SRRM4: variants seen among roughly 807,000 people sequenced by gnomAD.
SRRM4 encodes the protein serine/arginine repetitive matrix protein 4.
In SRRM4, 33 loss-of-function variants were observed where a neutral mutation model predicts 68.9. That is an observed-to-expected ratio of 0.48 (90% CI 0.36 to 0.64). The LOEUF is 0.64. Among genes scored for constraint, SRRM4 ranks in the 30% least tolerant of loss-of-function variants. The pLI, the probability that SRRM4 is intolerant of heterozygous loss-of-function variation, is 0.00. For missense variants in SRRM4, 817 were observed against 827.1 expected (o/e 0.99, Z 0.15); for synonymous variants, 318 against 318.8 (o/e 1.00, Z 0.03).
At chr12:119,065,263 T>C (rs1252625855) in intron 1 of SRRM4, among the ~76,000 whole-genome samples, 1 of 152,186 alleles carries the variant, frequency 6.6e-6, no homozygotes, top group Non-Finnish European at 1.5e-5. Context: ...GGGAACACAC[T>C]GTTCTGAGTT....
In SRRM4 at chr12:119,099,960, C is replaced by T. The variant is rs913922072; in HGVS notation, c.132-2276C>T. Among the ~76,000 whole-genome samples, 6 of 152,168 alleles carry T rather than the reference C, an allele frequency of 3.9e-5. 1 individual carries two copies. Among genetic ancestry groups the T allele is most frequent in the Non-Finnish European group, 5.9e-5 (4 of 68,040 alleles). On this transcript the variant is annotated intron_variant, in intron 1 of 12. Transcript: ENST00000267260. ...TTCATTGAATGTGAGTCACTAAGCC[C>T]ATCCGATATTCAAAGGGAGATAAAT... is the stretch of plus-strand genomic sequence containing the variant.
Position 119,156,692 on chromosome 12 carries a change from C to T in SRRM4, c.1730C>T (p.Pro577Leu), listed in dbSNP as rs901555516. 1.9e-6 allele frequency: 3 copies of T among 1,550,180 alleles called. No homozygotes were observed. Among genetic ancestry groups the T allele is most frequent in the Non-Finnish European group, 1.7e-6 (2 of 1,147,850 alleles). Residue 577 changes from proline (P) to leucine (L), a missense_variant, in exon 13 of 13, where the codon CCG becomes CTG. Physicochemically the swap from Pro to Leu is moderately conservative, Grantham distance 98. Coordinates refer to ENST00000267260, the MANE Select transcript of SRRM4 (RefSeq NM_194286.4). ...SSSSSSRSPS[P>L]GSRSRSRSRS... Reference sequence around the variant, plus strand: ...AGCTCTAGCTCCCGCAGCCCTAGTCCGGGCTCCCGCAGCCGGAGCCGGAGC... The same window carrying T: ...AGCTCTAGCTCCCGCAGCCCTAGTCTGGGCTCCCGCAGCCGGAGCCGGAGC...
At chr12:119,122,431 T>C (rs968541415) in intron 6 of SRRM4, among the ~76,000 whole-genome samples, 1 of 152,192 alleles carries the variant, frequency 6.6e-6, no homozygotes, top group African/African-American at 2.4e-5. Flanking sequence ...TGTGTATGTG[T>C]ATGCACGCTT....
intron 1 of SRRM4, among the ~76,000 whole-genome samples, chr12:119,007,931 G>A (rs753597176): frequency 6.6e-6 from 1 of 152,102 alleles, no homozygotes; most frequent in Non-Finnish European, 1.5e-5. Flanking sequence ...TCTCCAGTGG[G>A]GAGGCCTCTC....
At chr12:119,118,418 G>A (rs190276950) in intron 4 of SRRM4, among the ~76,000 whole-genome samples, 1 of 152,354 alleles carries the variant, frequency 6.6e-6, no homozygotes, top group East Asian at 1.9e-4. Context: ...TTGCACCAGT[G>A]TGGCTTTTCC....
rs1013532743 is a variant in SRRM4 at position 119,154,061 on chromosome 12, C to A, written c.1392-182C>A. On this transcript the variant is annotated intron_variant, in intron 11 of 12. Transcript: ENST00000267260. This position sits in a 1 kb window ranked among gnomAD's most constrained non-coding sequence, Gnocchi z 4.7. ...CCAGCCCCCACCCCTACGGTACTAACAACCCTCGCAGACTCTTACCGCAGC... is the reference window on the plus strand; with the variant it reads ...CCAGCCCCCACCCCTACGGTACTAAAAACCCTCGCAGACTCTTACCGCAGC... Among the ~76,000 whole-genome samples, 8 of 152,104 alleles carry A rather than the reference C, an allele frequency of 5.3e-5. No homozygotes were observed. The highest frequency in any genetic ancestry group is 1.9e-4 in the African/African-American group (8 of 41,416).
At chr12:119,012,921 C>T (rs1021671741) in intron 1 of SRRM4, among the ~76,000 whole-genome samples, 3 of 152,026 alleles carry the variant, frequency 2.0e-5, no homozygotes, top group East Asian at 1.9e-4. Context: ...TTAGGGAAGG[C>T]GCCAAAGAAA....
At chr12:119,105,470 C>G (rs1223566902) in intron 2 of SRRM4, among the ~76,000 whole-genome samples, 2 of 152,192 alleles carry the variant, frequency 1.3e-5, no homozygotes, top group Non-Finnish European at 2.9e-5. Flanking sequence ...TCCATATCCT[C>G]TCCAGCATCT....
At chr12:119,028,431 G>T (rs1764970595) in intron 1 of SRRM4, among the ~76,000 whole-genome samples, 1 of 152,098 alleles carries the variant, frequency 6.6e-6, no homozygotes, top group Admixed American at 6.5e-5. Flanking sequence ...CACAAGATCT[G>T]ATGGTTTTAT....
intron 1 of SRRM4, among the ~76,000 whole-genome samples, chr12:119,083,643 T>A (rs1953962795): frequency 6.6e-6 from 1 of 152,152 alleles, no homozygotes; most frequent in South Asian, 2.1e-4. Flanking sequence ...TGCCCCAGAA[T>A]TCTTATGTCT....
At chr12:119,041,852 G>T (rs1953670768) in intron 1 of SRRM4, among the ~76,000 whole-genome samples, 1 of 152,140 alleles carries the variant, frequency 6.6e-6, no homozygotes, top group Non-Finnish European at 1.5e-5. Flanking sequence ...GTGAAAGCGG[G>T]AGAATGCCTA....
chr12:119,030,141 C>G (rs558332080), intron 1 of SRRM4, among the ~76,000 whole-genome samples: 337 of 152,294 alleles, frequency 2.2e-3, no homozygotes, highest in Non-Finnish European at 4.1e-3. Context: ...TGATTTTCCA[C>G]ATTCTTTCAG....
chr12:119,122,596 A>G lies in SRRM4; in HGVS notation c.515+476A>G, dbSNP rs141127876. On this transcript the variant is annotated intron_variant, in intron 6 of 12. Coordinates refer to ENST00000267260, the MANE Select transcript of SRRM4 (RefSeq NM_194286.4). ...TTTTGTACACTGTGTGTACAAATGT[A>G]TACAATATGGGAACATTGTGTGGTC... is the stretch of plus-strand genomic sequence containing the variant. 1.1e-3 allele frequency among the ~76,000 whole-genome samples: 168 copies of G among 152,310 alleles called. 1 individual carries two copies. The highest frequency in any genetic ancestry group is 0.01 in the Middle Eastern group (3 of 294).
intron 6 of SRRM4, among the ~76,000 whole-genome samples, chr12:119,122,423 T>C (rs1328272814): frequency 6.6e-6 from 1 of 152,132 alleles, no homozygotes; most frequent in Non-Finnish European, 1.5e-5. Context: ...GTATATGATG[T>C]GTATGTGTAT....
chr12:119,116,583 T>C (rs1324235107), intron 3 of SRRM4, among the ~76,000 whole-genome samples: 2 of 152,162 alleles, frequency 1.3e-5, no homozygotes, highest in Non-Finnish European at 2.9e-5. Context: ...TGTGTGTCTT[T>C]AGGCCGGTCA....
chr12:118,995,211 G>A (rs1953341769), intron 1 of SRRM4, among the ~76,000 whole-genome samples: 1 of 152,190 alleles, frequency 6.6e-6, no homozygotes, highest in South Asian at 2.1e-4. Context: ...TTTTGAGGTA[G>A]ATACTGTGAC....
chr12:119,081,470 A>G (rs1351654757), intron 1 of SRRM4, among the ~76,000 whole-genome samples: 1 of 152,212 alleles, frequency 6.6e-6, no homozygotes, highest in Non-Finnish European at 1.5e-5. Flanking sequence ...AACAGCAAAG[A>G]GACCTGTGGG....
chr12:119,039,254 T>G (rs1647460266), intron 1 of SRRM4, among the ~76,000 whole-genome samples: 1 of 152,180 alleles, frequency 6.6e-6, no homozygotes, highest in Non-Finnish European at 1.5e-5. Flanking sequence ...GTTGACACAC[T>G]GCGCGGCACA....
chr12:119,125,511 A>G (rs759416864), intron 7 of SRRM4, 32 bp downstream of exon 7: 16 of 1,591,406 alleles, frequency 1.0e-5, no homozygotes, highest in Non-Finnish European at 1.4e-5. Context: ...CTCTTCTGTC[A>G]GCCACAGCCG....
Sources: allele counts gnomAD v4.1 joint callset (sites outside exome capture counted in the v4.1 genomes callset), GRCh38; gene constraint gnomAD v4.1.1; non-coding constraint Gnocchi (gnomAD v3.1); transcripts MANE v1.5; gene names NCBI Gene and HGNC (gene_info 2026-07-23, HGNC 2026-07-21).